Variants in SPIRE1 observed in about 807,000 individuals in gnomAD.
SPIRE1 encodes the protein spire type actin nucleation factor 1, also known as protein spire homolog 1.
A neutral mutation model predicts 94.1 loss-of-function variants in SPIRE1; 40 were observed. The observed-to-expected ratio is 0.43, with a 90% CI of 0.33 to 0.55. SPIRE1 has a LOEUF of 0.55. Ranked by LOEUF, SPIRE1 falls within the 20% of genes least tolerant of loss-of-function variation. The pLI is 0.06. For missense variants in SPIRE1, 838 were observed against 975.2 expected (o/e 0.86, Z 1.87); for synonymous variants, 376 against 371.7 (o/e 1.01, Z -0.13).
At chr18:12,468,944 G>T (rs1475114439) in intron 10 of SPIRE1, among the ~76,000 whole-genome samples, 1 of 152,008 alleles carries the variant, frequency 6.6e-6, no homozygotes, top group Non-Finnish European at 1.5e-5. Flanking sequence ...CACACCTATG[G>T]TCCTAGCTAC....
chr18:12,599,627 A>G (rs2036776052), intron 2 of SPIRE1, among the ~76,000 whole-genome samples: 1 of 152,198 alleles, frequency 6.6e-6, no homozygotes, highest in Non-Finnish European at 1.5e-5. Flanking sequence ...ACACTGGAAG[A>G]ATACAGGTCA....
intron 4 of SPIRE1, among the ~76,000 whole-genome samples, chr18:12,533,676 CTAAA>C (rs2034754232): frequency 6.6e-6 from 1 of 152,056 alleles, no homozygotes; most frequent in Non-Finnish European, 1.5e-5. Flanking sequence ...AATTTGCTTT[CTAAA>C]TAAATAGATG....
chr18:12,637,765 G>A (rs2037973859), intron 1 of SPIRE1, among the ~76,000 whole-genome samples: 1 of 152,192 alleles, frequency 6.6e-6, no homozygotes, highest in Non-Finnish European at 1.5e-5. Context: ...GGCTGGGACA[G>A]GGAAATTACA....
intron 2 of SPIRE1, among the ~76,000 whole-genome samples, chr18:12,583,155 A>C (rs1301122519): frequency 1.3e-5 from 2 of 152,248 alleles, no homozygotes; most frequent in Non-Finnish European, 2.9e-5. Context: ...AATTAGTCCA[A>C]AGATATCAGA....
At chr18:12,592,290 T>C (rs533300123) in intron 2 of SPIRE1, among the ~76,000 whole-genome samples, 17 of 152,314 alleles carry the variant, frequency 1.1e-4, no homozygotes, top group African/African-American at 3.6e-4. Context: ...AAGACTCAAT[T>C]TGAAGGGCTT....
intron 2 of SPIRE1, among the ~76,000 whole-genome samples, chr18:12,552,383 C>T (rs144312319): frequency 3.3e-5 from 5 of 152,228 alleles, no homozygotes; most frequent in African/African-American, 1.2e-4. Flanking sequence ...AAAAGAGACC[C>T]CTTTTTTCCA....
chr18:12,494,662 T>C (rs1438003548), intron 7 of SPIRE1, among the ~76,000 whole-genome samples: 1 of 145,108 alleles, frequency 6.9e-6, no homozygotes, highest in East Asian at 2.0e-4. Flanking sequence ...ACCCCGTCTC[T>C]ACTAAAAAAA....
intron 10 of SPIRE1, among the ~76,000 whole-genome samples, chr18:12,478,695 A>G (rs1235826141): frequency 4.0e-5 from 6 of 151,700 alleles, no homozygotes; most frequent in Admixed American, 3.3e-4. Context: ...GGGAGGGAAG[A>G]AGAGAATTTC....
chr18:12,456,289 A>T (rs1464833386), intron 12 of SPIRE1, among the ~76,000 whole-genome samples: 2 of 152,228 alleles, frequency 1.3e-5, no homozygotes, highest in Non-Finnish European at 2.9e-5. Flanking sequence ...GAAAAAGAGT[A>T]GTGTTAGGTG....
Position 12,522,868 on chromosome 18 carries a change from T to C in SPIRE1, c.730-10337A>G, listed in dbSNP as rs1039893395. On this transcript the variant is annotated intron_variant, in intron 4 of 16. Coordinates refer to ENST00000409402, the MANE Select transcript of SPIRE1 (RefSeq NM_001128626.2). Reference sequence around the variant, plus strand: ...TGCATTTGGTCACCCAAAAGCTCGATGGTAATATACAAGATTAATGTTGTT... The same window carrying C: ...TGCATTTGGTCACCCAAAAGCTCGACGGTAATATACAAGATTAATGTTGTT... Among the ~76,000 whole-genome samples, 5 of 152,344 alleles carry C rather than the reference T, an allele frequency of 3.3e-5. No individual in the cohort carries two copies. In the South Asian group the frequency reaches 1.0e-3, roughly 32 times the overall value.
At chr18:12,573,826 G>A (rs1438900677) in intron 2 of SPIRE1, among the ~76,000 whole-genome samples, 3 of 151,808 alleles carry the variant, frequency 2.0e-5, no homozygotes, top group African/African-American at 4.8e-5. Context: ...TGCAAGCTCC[G>A]CCTCCCGGGT....
chr18:12,635,021 C>T (rs1264244167), intron 2 of SPIRE1, 41 bp downstream of exon 2: 1 of 1,267,462 alleles, frequency 7.9e-7, no homozygotes, highest in Non-Finnish European at 1.1e-6. Context: ...AACAGGACTG[C>T]AAAGCTGCTT....
At chr18:12,621,844 C>A (rs776307886) in intron 2 of SPIRE1, among the ~76,000 whole-genome samples, 6 of 151,914 alleles carry the variant, frequency 3.9e-5, no homozygotes, top group Non-Finnish European at 8.8e-5. Context: ...GAATTATATC[C>A]TAAAAAAATT....
rs1330668324 is a variant in SPIRE1, at chr18:12,481,949, C to T, written c.1232-2078G>A. Among the ~76,000 whole-genome samples, 3 of 151,980 alleles carry T rather than the reference C, an allele frequency of 2.0e-5. No homozygotes were observed. In the East Asian group the frequency reaches 5.8e-4, roughly 29 times the overall value. On this transcript the variant is annotated intron_variant, in intron 9 of 16. Coordinates refer to ENST00000409402, the MANE Select transcript of SPIRE1 (RefSeq NM_001128626.2). Reference sequence around the variant, plus strand: ...ACACACCTTCCACCTTTCCTAACCACGTTCTCACAGAGGCTCCCACCGCTG... The same window carrying T: ...ACACACCTTCCACCTTTCCTAACCATGTTCTCACAGAGGCTCCCACCGCTG...
intron 2 of SPIRE1, among the ~76,000 whole-genome samples, chr18:12,597,157 TACACACACACACACACACAC>T (rs58238813): frequency 0.25 from 35,380 of 144,166 alleles, 4,862 homozygotes; most frequent in Non-Finnish European, 0.32. Flanking sequence ...TGTCTCTTTC[TACACACACACACACACACAC>T]ACACACACAC....
Position 12,546,700 on chromosome 18 carries a change from T to C in SPIRE1, c.577A>G (p.Ile193Val). The change falls in exon 3 of 17, where the codon ATT becomes GTT. Residue 193 changes from isoleucine to valine, a missense_variant. By Grantham distance (29) the Ile-to-Val change is conservative (BLOSUM62 3). This residue lies in a region of SPIRE1 where 645 missense variants were observed against 804.7 expected (regional missense o/e 0.80). Transcript: ENST00000409402. ...TTCATGACATCTCTATATGACCGAA[T>C]AGCTGAGATTTTTCTCTTTTCATCT... ...DEDEKRKISA[I>V]RSYRDVMKLC... is the part of the protein sequence containing the mutation. 1.2e-6 allele frequency: 2 copies of C among 1,613,814 alleles called. No individual in the cohort carries two copies. Among genetic ancestry groups the C allele is most frequent in the Non-Finnish European group, 1.7e-6 (2 of 1,179,784 alleles).
intron 2 of SPIRE1, among the ~76,000 whole-genome samples, chr18:12,598,728 A>G (rs2144625812): frequency 6.6e-6 from 1 of 152,282 alleles, no homozygotes; most frequent in African/African-American, 2.4e-5. Context: ...CTCAAGAGGA[A>G]GTGGCTGCTG....
At chr18:12,518,747 A>G (rs894820531) in intron 4 of SPIRE1, among the ~76,000 whole-genome samples, 2 of 152,316 alleles carry the variant, frequency 1.3e-5, no homozygotes, top group South Asian at 2.1e-4. Flanking sequence ...TACTTACATA[A>G]AGAGTATTAA....
At chr18:12,548,354 T>C (rs189628281) in intron 2 of SPIRE1, among the ~76,000 whole-genome samples, 9 of 152,330 alleles carry the variant, frequency 5.9e-5, no homozygotes, top group Non-Finnish European at 1.0e-4. Context: ...AAGAGAGTCA[T>C]TGACTAGCTC....
Sources: gnomAD v4.1 joint callset for allele counts (sites outside exome capture counted in the v4.1 genomes callset) on GRCh38, gnomAD v4.1.1 for gene constraint, gnomAD v4.1.1 regional missense constraint, MANE v1.5 for transcripts, NCBI Gene and HGNC (gene_info 2026-07-23, HGNC 2026-07-21) for gene names.